The following PIGK variants were observed in gnomAD, a reference collection of about 807,000 sequenced individuals.
PIGK encodes the protein GPI-anchor transamidase.
Under a neutral mutation model 50.6 loss-of-function variants are expected in PIGK, and 42 were observed. The observed-to-expected ratio is 0.83, with a 90% CI of 0.65 to 1.07. The LOEUF is 1.07. PIGK is among the 50% of genes least tolerant of loss of function. The pLI, the probability that PIGK is intolerant of heterozygous loss-of-function variation, is 0.00. For synonymous variants in PIGK, 151 were observed against 156.0 expected (o/e 0.97, Z 0.24); for missense variants, 448 against 488.7 (o/e 0.92, Z 0.78).
intron 9 of PIGK, among the ~76,000 whole-genome samples, chr1:77,145,695 G>A (rs1010238675): frequency 3.3e-5 from 5 of 151,518 alleles, no homozygotes; most frequent in African/African-American, 1.2e-4. Flanking sequence ...AAACCTACAA[G>A]CTGATTCATA....
chr1:77,215,280 T>G (rs1656527369), intron 1 of PIGK, among the ~76,000 whole-genome samples: 1 of 152,116 alleles, frequency 6.6e-6, no homozygotes, highest in Admixed American at 6.6e-5. Context: ...GAATAGATAT[T>G]TCTCAAAAGA....
At chr1:77,214,855 A>G (rs752658995) in intron 1 of PIGK, among the ~76,000 whole-genome samples, 3 of 152,198 alleles carry the variant, frequency 2.0e-5, no homozygotes, top group Non-Finnish European at 4.4e-5. Flanking sequence ...CTATATACCA[A>G]TAATGAACTA....
chr1:77,148,357 C>G (rs975932468), intron 9 of PIGK, among the ~76,000 whole-genome samples: 2 of 152,080 alleles, frequency 1.3e-5, no homozygotes, highest in African/African-American at 4.8e-5. Context: ...TGGTAAATAG[C>G]AACATTGTAA....
intron 9 of PIGK, among the ~76,000 whole-genome samples, chr1:77,128,704 G>A (rs1654286002): frequency 1.3e-5 from 2 of 152,080 alleles, no homozygotes; most frequent in South Asian, 4.1e-4. Flanking sequence ...TCTATCAGGA[G>A]TTAATGTATA....
At chr1:77,215,699 C>G (rs1358637972) in intron 1 of PIGK, among the ~76,000 whole-genome samples, 4 of 152,014 alleles carry the variant, frequency 2.6e-5, no homozygotes, top group Non-Finnish European at 5.9e-5. Context: ...ATGGATAAAG[C>G]AAATGTGTGT....
At chr1:77,154,662 A>T in intron 8 of PIGK, 41 bp from the exon 9 acceptor site, 1 of 1,210,706 alleles carries the variant, frequency 8.3e-7, no homozygotes, top group South Asian at 1.3e-5. Flanking sequence ...ATCCACACAC[A>T]TACCACATTT....
rs1219562370 is a variant in PIGK, at chr1:77,089,562, T to C, written c.*2812A>G. On this transcript the variant is annotated 3_prime_UTR_variant, in exon 11 of 11. Transcript: ENST00000370812. Reference sequence around the variant, plus strand: ...TAACTCTGGTATACAACATACATAATGGAAGAAATGTTATCAATATATACC... The same window carrying C: ...TAACTCTGGTATACAACATACATAACGGAAGAAATGTTATCAATATATACC... 1 of 152,650 alleles carries C rather than the reference T, an allele frequency of 6.6e-6. No homozygotes were observed. The highest frequency in any genetic ancestry group is 1.5e-5 in the Non-Finnish European group (1 of 68,048). 9.5% of individuals were successfully genotyped at this position (152,650 alleles called of 1,614,324 possible). A position where few individuals can be genotyped will look rare whatever the true frequency, so the allele number is the denominator to read the frequency against.
chr1:77,118,815 G>T (rs1030096238), intron 10 of PIGK, among the ~76,000 whole-genome samples: 1 of 152,132 alleles, frequency 6.6e-6, no homozygotes, highest in Non-Finnish European at 1.5e-5. Flanking sequence ...GTGATGGTTA[G>T]TACTGAGTGT....
intron 9 of PIGK, among the ~76,000 whole-genome samples, chr1:77,153,352 A>C (rs2100550638): frequency 6.6e-6 from 1 of 152,214 alleles, no homozygotes; most frequent in South Asian, 2.1e-4. Context: ...GGGTAGGGAA[A>C]GTGTTTGGGA....
intron 10 of PIGK, among the ~76,000 whole-genome samples, chr1:77,108,861 C>T (rs1344782200): frequency 6.6e-6 from 1 of 152,102 alleles, no homozygotes; most frequent in African/African-American, 2.4e-5. Flanking sequence ...TCACTGATAC[C>T]CTTTCTTCAA....
chr1:77,108,778 C>A (rs1315612652), intron 10 of PIGK, among the ~76,000 whole-genome samples: 1 of 152,136 alleles, frequency 6.6e-6, no homozygotes. Context: ...TTCTTGGAGG[C>A]TTTGTTCATT....
chr1:77,096,308 C>T (rs1021259213), intron 10 of PIGK, among the ~76,000 whole-genome samples: 1 of 152,076 alleles, frequency 6.6e-6, no homozygotes, highest in African/African-American at 2.4e-5. Context: ...CCCTAATTAC[C>T]CATTCTTGGC....
chr1:77,197,250 G>C (rs1286902626), intron 3 of PIGK, among the ~76,000 whole-genome samples: 1 of 152,024 alleles, frequency 6.6e-6, no homozygotes, highest in African/African-American at 2.4e-5. Flanking sequence ...TATTGTTACA[G>C]ATGAAAAAAC....
chr1:77,157,000 G>T (rs984801452), intron 8 of PIGK, among the ~76,000 whole-genome samples: 9 of 152,108 alleles, frequency 5.9e-5, no homozygotes, highest in African/African-American at 1.9e-4. Flanking sequence ...GTTCACAAAG[G>T]AAAGAAAATT....
intron 2 of PIGK, among the ~76,000 whole-genome samples, chr1:77,209,966 T>A (rs910793726): frequency 6.6e-6 from 1 of 152,060 alleles, no homozygotes; most frequent in Non-Finnish European, 1.5e-5. Context: ...TTAATTGAGG[T>A]GAAATTCACA....
At chr1:77,154,113 C>G (rs1390202712) in intron 9 of PIGK, 1 of 372,748 alleles carries the variant, frequency 2.7e-6, no homozygotes, top group Non-Finnish European at 4.8e-6. Flanking sequence ...ATTCCTTTCC[C>G]TAATGTTACC....
intron 10 of PIGK, among the ~76,000 whole-genome samples, chr1:77,107,598 A>G (rs888723615): frequency 1.3e-5 from 2 of 152,144 alleles, no homozygotes; most frequent in Non-Finnish European, 2.9e-5. Flanking sequence ...GTAGATGTCT[A>G]TTAGGTCTGC....
chr1:77,189,742 TATATATACACACACAC>T (rs1424376896), intron 3 of PIGK, among the ~76,000 whole-genome samples: 5 of 35,148 alleles, frequency 1.4e-4, no homozygotes, highest in African/African-American at 6.4e-4. Flanking sequence ...TATATATATA[TATATATACACACACAC>T]ACACACACAC....
intron 3 of PIGK, among the ~76,000 whole-genome samples, chr1:77,203,719 A>C (rs1314252436): frequency 6.6e-6 from 1 of 152,186 alleles, no homozygotes; most frequent in African/African-American, 2.4e-5. Flanking sequence ...AATTGTGAAG[A>C]TTTCATGGAC....
Sources: gnomAD v4.1 joint callset for allele counts (sites outside exome capture counted in the v4.1 genomes callset) on GRCh38, gnomAD v4.1.1 for gene constraint, MANE v1.5 for transcripts, NCBI Gene and HGNC (gene_info 2026-07-23, HGNC 2026-07-21) for gene names.